Variants in PYHIN1 observed in about 807,000 individuals in gnomAD.
The protein encoded by PYHIN1 is pyrin and HIN domain-containing protein 1.
In PYHIN1, 32 loss-of-function variants were observed where a neutral mutation model predicts 43.7. The observed-to-expected ratio is 0.73, with a 90% confidence interval of 0.55 to 0.98. The LOEUF (loss-of-function observed/expected upper bound fraction) is 0.98, where lower values mean the gene tolerates loss of function less well. Among genes scored for constraint, PYHIN1 ranks in the 50% least tolerant of loss-of-function variants. The pLI is 0.00. For missense variants in PYHIN1, 588 were observed against 589.5 expected, an observed-to-expected ratio of 1.00 and a Z score of 0.03; for synonymous variants, 205 against 203.1, an observed-to-expected ratio of 1.01 and a Z score of -0.08.
the PYHIN1 span, among the ~76,000 whole-genome samples, chr1:158,990,470 A>T: frequency 2.1e-4 from 32 of 152,196 alleles, no homozygotes; most frequent in East Asian, 5.4e-3. Flanking sequence ...AGGTGGTTAA[A>T]TCTCTCTGAT....
chr1:158,973,737 T>G lies in PYHIN1; in HGVS notation c.1450T>G (p.Ser484Ala), dbSNP rs144943400. 33 of 1,613,058 alleles carry G rather than the reference T, an allele frequency of 2.0e-5. No homozygotes were observed. Among genetic ancestry groups the G allele is most frequent in the Non-Finnish European group, 2.7e-5 (32 of 1,179,464 alleles). Residue 484 changes from serine to alanine, a missense_variant, in exon 8 of 9, where the codon TCC becomes GCC. Coordinates refer to ENST00000368140, the MANE Select transcript of PYHIN1 (RefSeq NM_152501.5). ...GGCCCCTCCTCTTTCTTCTGACACT[T>G]CCACCAACCGCCATCCAGCAGTTCC... ...TVAPPLSSDTSTNRHPAVP is the reference protein window; with the variant it reads ...TVAPPLSSDTATNRHPAVP
chr1:158,952,147 G>A (rs1478786907), intron 7 of PYHIN1, among the ~76,000 whole-genome samples: 7 of 117,966 alleles, frequency 5.9e-5, no homozygotes, highest in East Asian at 2.8e-4. Context: ...GCTCCCTCCC[G>A]CTGCCTGTTG....
intron 8 of PYHIN1, among the ~76,000 whole-genome samples, chr1:158,974,304 T>C (rs893456924): frequency 1.3e-5 from 2 of 152,072 alleles, no homozygotes; most frequent in African/African-American, 2.4e-5. Flanking sequence ...CCTCCTGCCA[T>C]AGAACACATC....
At chr1:158,947,978 C>T (rs1474424930) in intron 7 of PYHIN1, among the ~76,000 whole-genome samples, 1 of 152,226 alleles carries the variant, frequency 6.6e-6, no homozygotes, top group African/African-American at 2.4e-5. Context: ...ACCTTCCAGC[C>T]TTCCAAGAAG....
intron 7 of PYHIN1, among the ~76,000 whole-genome samples, chr1:158,963,682 G>C (rs895765602): frequency 3.9e-5 from 6 of 152,162 alleles, no homozygotes; most frequent in African/African-American, 1.4e-4. Context: ...TGCTAATATA[G>C]ACCCCTGTGT....
rs765991550 is a variant in PYHIN1, at chr1:158,943,883, T to C, written c.1096T>C (p.Cys366Arg). ...AAAAGGAGAATGCCACAATATCCCC[T>C]GTGAAAAAGGAGATAAGCTTCGACT... Reference protein sequence around the residue: ...VGKGECHNIPCEKGDKLRLFC... With the variant: ...VGKGECHNIPREKGDKLRLFC... The change falls in exon 6 of 9, where the codon TGT becomes CGT. Residue 366 changes from cysteine to arginine, a missense_variant. Coordinates refer to ENST00000368140, the MANE Select transcript of PYHIN1 (RefSeq NM_152501.5). 1.9e-6 allele frequency: 3 copies of C among 1,610,692 alleles called. No homozygotes were observed. Among genetic ancestry groups the C allele is most frequent in the Non-Finnish European group, 1.7e-6 (2 of 1,177,610 alleles).
Position 158,976,819 on chromosome 1 carries a change from A to T in PYHIN1, c.*124A>T, listed in dbSNP as rs540088810. The T allele has an allele frequency of 2.5e-6, 2 of 788,190 alleles. No homozygotes were observed. The highest frequency in any genetic ancestry group is 3.8e-5 in the African/African-American group (2 of 53,236). The allele number at this position is 788,190 out of a possible 1,614,324, so 48.8% of individuals were successfully genotyped here. Reference sequence around the variant, plus strand: ...CATTGGTAATGATGTTTATGAAGATAAGATCAAAGCACAGAAAATAATATA... The same window carrying T: ...CATTGGTAATGATGTTTATGAAGATTAGATCAAAGCACAGAAAATAATATA... On this transcript the variant is annotated 3_prime_UTR_variant, in exon 9 of 9. Transcript: ENST00000368140.
chr1:158,955,640 A>G (rs1210993135), intron 7 of PYHIN1, among the ~76,000 whole-genome samples: 2 of 122,930 alleles, frequency 1.6e-5, no homozygotes, highest in Non-Finnish European at 3.4e-5. Context: ...AATGCCCACA[A>G]GAGAAAGCAG....
Position 158,938,520 on chromosome 1 carries a change from C to A in PYHIN1, c.389C>A (p.Ala130Glu), listed in dbSNP as rs981619976. 2 of 1,614,200 alleles carry A rather than the reference C, an allele frequency of 1.2e-6. No homozygotes were observed. Among genetic ancestry groups the A allele is most frequent in the South Asian group, 2.2e-5 (2 of 91,078 alleles). ...AGCAACCGTCTCACAGCTAAAGGAGCAGAGGAGACTCTTGGACCTCAGGTA... is the reference window on the plus strand; with the variant it reads ...AGCAACCGTCTCACAGCTAAAGGAGAAGAGGAGACTCTTGGACCTCAGGTA... ...TPSNRLTAKG[A>E]EETLGPQKRK... Residue 130 changes from alanine (A) to glutamate (E), a missense_variant, in exon 3 of 9, where the codon GCA (alanine) becomes GAA (glutamate). Coordinates refer to ENST00000368140, the MANE Select transcript of PYHIN1 (RefSeq NM_152501.5).
chr1:158,990,362 A>C, the PYHIN1 span, among the ~76,000 whole-genome samples: 1 of 152,096 alleles, frequency 6.6e-6, no homozygotes, highest in African/African-American at 2.4e-5. Context: ...GGCCATAATA[A>C]TCTATTATTT....
At chr1:158,959,920 C>A (rs951303197) in intron 7 of PYHIN1, among the ~76,000 whole-genome samples, 2 of 152,166 alleles carry the variant, frequency 1.3e-5, no homozygotes, top group African/African-American at 4.8e-5. Flanking sequence ...TACTTACCTG[C>A]ACTCAGGGTT....
downstream of PYHIN1, among the ~76,000 whole-genome samples, chr1:158,979,424 T>C (rs1368298491): frequency 6.6e-6 from 1 of 152,214 alleles, no homozygotes; most frequent in African/African-American, 2.4e-5. Context: ...AGTGGCTTAT[T>C]ACACTTAGCA....
rs779435588 is a variant in PYHIN1, at chr1:158,939,076, G to A, written c.412-4G>A. 6.4e-7 allele frequency: 1 copy of A among 1,573,438 alleles called. No individual in the cohort carries two copies. The highest frequency in any genetic ancestry group is 2.1e-5 in the Admixed American group (1 of 48,744). ...AATTAACAAGAAAAATAAACTACTT[G>A]TAGAAAAGAAAAAAACCATCTGAAG... is the stretch of plus-strand genomic sequence containing the variant. On this transcript the variant is annotated splice_region_variant and splice_polypyrimidine_tract_variant and intron_variant, in intron 3 of 8. Transcript: ENST00000368140.
intron 4 of PYHIN1, among the ~76,000 whole-genome samples, chr1:158,940,428 C>T (rs566741779): frequency 7.2e-5 from 11 of 151,858 alleles, no homozygotes; most frequent in South Asian, 2.1e-4. Flanking sequence ...AGGCAGAAGA[C>T]GATACACCAA....
intron 7 of PYHIN1, among the ~76,000 whole-genome samples, chr1:158,954,047 G>A (rs1437148847): frequency 1.2e-5 from 1 of 86,926 alleles, no homozygotes; most frequent in Non-Finnish European, 2.3e-5. Context: ...GGGAAGTTTA[G>A]AGAAAAAAGA....
At chr1:158,947,016 T>C (rs1172714195) in intron 7 of PYHIN1, among the ~76,000 whole-genome samples, 1 of 152,164 alleles carries the variant, frequency 6.6e-6, no homozygotes, top group Non-Finnish European at 1.5e-5. Flanking sequence ...GGTTTCTCAG[T>C]TATGCCCAAA....
chr1:158,985,815 C>T, the PYHIN1 span, among the ~76,000 whole-genome samples: 1 of 152,150 alleles, frequency 6.6e-6, no homozygotes, highest in Non-Finnish European at 1.5e-5. Context: ...GGTCTCTTTA[C>T]ATAAACTCAT....
chr1:158,974,814 G>C (rs1651156061), intron 8 of PYHIN1, among the ~76,000 whole-genome samples: 1 of 151,956 alleles, frequency 6.6e-6, no homozygotes, highest in African/African-American at 2.4e-5. Context: ...AGCCATCTTG[G>C]CTTAGGTGAC....
chr1:158,977,136 G>A (rs56039305), downstream of PYHIN1: 215 of 152,772 alleles, frequency 1.4e-3, no homozygotes, highest in Non-Finnish European at 2.4e-3. Flanking sequence ...TCAGGGTGGG[G>A]CACACAGATT....
Sources: gnomAD v4.1 joint callset for allele counts (sites outside exome capture counted in the v4.1 genomes callset) on GRCh38, gnomAD v4.1.1 for gene constraint, MANE v1.5 for transcripts, NCBI Gene and HGNC (gene_info 2026-07-23, HGNC 2026-07-21) for gene names.